The following DLG2 variants were observed in gnomAD, a reference collection of about 807,000 sequenced individuals.
DLG2 encodes the protein disks large homolog 2.
A neutral mutation model predicts 132.5 loss-of-function variants in DLG2; 45 were observed. The observed-to-expected ratio is 0.34, with a 90% CI of 0.27 to 0.44. DLG2 has a LOEUF of 0.44. Among genes scored for constraint, DLG2 ranks in the 20% least tolerant of loss-of-function variants. The probability of loss-of-function intolerance (pLI) is 1.00; values close to 1 mark genes in which losing one functional copy is unlikely to be tolerated. For synonymous variants in DLG2, 424 were observed against 419.6 expected (o/e 1.01, Z -0.13); for missense variants, 1,045 against 1,196.9 (o/e 0.87, Z 1.87).
chr11:84,522,029 G>A lies in DLG2; in HGVS notation c.519+12541C>T, dbSNP rs184744022. ...CTAAAAATACAAAAATGAGTTGGGC[G>A]TGGTGGCACATGCCTGTAGTCCCAG... On this transcript the variant is annotated intron_variant, in intron 7 of 27. Transcript: ENST00000376104. Among the ~76,000 whole-genome samples the A allele has an allele frequency of 1.6e-3, 237 of 152,098 alleles. 2 individuals are homozygous for A. Among genetic ancestry groups the A allele is most frequent in the African/African-American group, 5.3e-3 (220 of 41,502 alleles).
At chr11:84,286,356 T>TA (rs972709026) in intron 7 of DLG2, among the ~76,000 whole-genome samples, 3 of 151,564 alleles carry the variant, frequency 2.0e-5, no homozygotes, top group Non-Finnish European at 4.4e-5. Context: ...TGCAAGGGGG[T>TA]AAAAAAAAGT....
intron 6 of DLG2, among the ~76,000 whole-genome samples, chr11:84,712,281 C>T (rs1482138314): frequency 1.3e-5 from 2 of 151,858 alleles, no homozygotes; most frequent in Non-Finnish European, 2.9e-5. Flanking sequence ...TTTTTATATT[C>T]AACGTTTTTC....
intron 18 of DLG2, among the ~76,000 whole-genome samples, chr11:83,709,057 C>T (rs529465563): frequency 1.3e-3 from 191 of 152,098 alleles, no homozygotes; most frequent in African/African-American, 4.4e-3. Flanking sequence ...TGTACTCAAC[C>T]GCTGCTTGTT....
intron 19 of DLG2, among the ~76,000 whole-genome samples, chr11:83,569,987 A>G (rs1248439277): frequency 6.6e-6 from 1 of 152,236 alleles, no homozygotes; most frequent in African/African-American, 2.4e-5. Context: ...CCATGAAAAG[A>G]GAGAATGAGC....
intron 5 of DLG2, among the ~76,000 whole-genome samples, chr11:85,118,307 C>T (rs2073913410): frequency 6.6e-6 from 1 of 152,058 alleles, no homozygotes; most frequent in Non-Finnish European, 1.5e-5. Flanking sequence ...TTTCAGTGGG[C>T]AGTGATGATG....
At chr11:84,079,393 C>T (rs765481316) in intron 10 of DLG2, among the ~76,000 whole-genome samples, 13 of 151,942 alleles carry the variant, frequency 8.6e-5, no homozygotes, top group Non-Finnish European at 1.5e-4. Context: ...CAGCAATTCT[C>T]ATGCTTCAGC....
chr11:85,289,720 T>C (rs1442734286), intron 3 of DLG2, among the ~76,000 whole-genome samples: 1 of 152,136 alleles, frequency 6.6e-6, no homozygotes, highest in Non-Finnish European at 1.5e-5. Flanking sequence ...TATTTAACGA[T>C]GTTGCAAATT....
intron 18 of DLG2, among the ~76,000 whole-genome samples, chr11:83,637,293 C>T (rs1470429335): frequency 6.6e-6 from 1 of 152,156 alleles, no homozygotes; most frequent in Non-Finnish European, 1.5e-5. Flanking sequence ...CAGTCAAATT[C>T]ATAACACTGT....
chr11:84,843,530 T>C (rs2080978844), intron 6 of DLG2, among the ~76,000 whole-genome samples: 1 of 151,876 alleles, frequency 6.6e-6, no homozygotes, highest in Admixed American at 6.6e-5. Flanking sequence ...TAGGGAGAGA[T>C]ATAAAAAGTG....
chr11:83,928,263 A>G (rs2079370828), intron 15 of DLG2, among the ~76,000 whole-genome samples: 1 of 152,138 alleles, frequency 6.6e-6, no homozygotes, highest in Non-Finnish European at 1.5e-5. Context: ...AATTTGAAAA[A>G]AAAATTCAAC....
intron 9 of DLG2, among the ~76,000 whole-genome samples, chr11:84,151,157 T>A (rs542705032): frequency 6.6e-6 from 1 of 151,972 alleles, no homozygotes; most frequent in African/African-American, 2.4e-5. Flanking sequence ...AACCCTAGAT[T>A]TTTTTGGAAC....
rs191633739 is a variant in DLG2, at chr11:84,944,893, G to A, written c.357+166768C>T. 1.7e-3 allele frequency among the ~76,000 whole-genome samples: 266 copies of A among 152,258 alleles called. 2 individuals carry two copies. Among genetic ancestry groups the A allele is most frequent in the African/African-American group, 4.8e-3 (198 of 41,570 alleles). On this transcript the variant is annotated intron_variant, in intron 6 of 27. Coordinates refer to ENST00000376104, the MANE Select transcript of DLG2 (RefSeq NM_001142699.3). ...GCTGGGATTACCGGCGTGAGCCATCGTGCCCGATCTTGTTAAGTTTATCTG... is the reference window on the plus strand; with the variant it reads ...GCTGGGATTACCGGCGTGAGCCATCATGCCCGATCTTGTTAAGTTTATCTG...
intron 6 of DLG2, among the ~76,000 whole-genome samples, chr11:84,841,028 G>T (rs966571657): frequency 3.7e-4 from 56 of 149,748 alleles, no homozygotes; most frequent in African/African-American, 1.3e-3. Context: ...AATGGAAACA[G>T]TAAGTAGGGG....
chr11:84,272,849 T>C (rs775069618), intron 7 of DLG2, among the ~76,000 whole-genome samples: 2 of 152,180 alleles, frequency 1.3e-5, no homozygotes, highest in Non-Finnish European at 2.9e-5. Context: ...AACATTAATA[T>C]ATGGAATATC....
chr11:84,911,617 C>T (rs57513498), intron 6 of DLG2, among the ~76,000 whole-genome samples: 1,929 of 152,144 alleles, frequency 0.013, 36 homozygotes, highest in African/African-American at 0.043. Flanking sequence ...AAAATCAATT[C>T]CTTGACATCC....
chr11:83,788,711 C>G, intron 17 of DLG2, among the ~76,000 whole-genome samples: 1 of 152,156 alleles, frequency 6.6e-6, no homozygotes, highest in Middle Eastern at 3.2e-3. Context: ...TCTTGTCAAA[C>G]AGTTAAGGTT....
intron 22 of DLG2, 93 bp from the exon 23 acceptor site, chr11:83,472,870 C>T (rs1477811250): frequency 4.8e-6 from 5 of 1,050,286 alleles, no homozygotes; most frequent in Non-Finnish European, 7.3e-6. Context: ...AGACACAGCT[C>T]AGAGTTAATT....
intron 11 of DLG2, among the ~76,000 whole-genome samples, chr11:84,012,268 A>G (rs932397195): frequency 1.3e-5 from 2 of 152,142 alleles, no homozygotes; most frequent in Admixed American, 1.3e-4. Context: ...AAGTGTCCTT[A>G]TGTACTCCAG....
At chr11:84,456,784 C>A (rs1179277746) in intron 7 of DLG2, among the ~76,000 whole-genome samples, 1 of 151,152 alleles carries the variant, frequency 6.6e-6, no homozygotes, top group Non-Finnish European at 1.5e-5. Flanking sequence ...CACTAGAATG[C>A]AAGTTCTGTG....
Sources: gnomAD v4.1 joint callset for allele counts (sites outside exome capture counted in the v4.1 genomes callset) on GRCh38, gnomAD v4.1.1 for gene constraint, MANE v1.5 for transcripts, NCBI Gene and HGNC (gene_info 2026-07-23, HGNC 2026-07-21) for gene names.